Variants in FOXN1 observed in about 807,000 individuals in gnomAD.
FOXN1 encodes forkhead box protein N1.
Under a neutral mutation model 49.0 loss-of-function variants are expected in FOXN1, and 15 were observed. The observed-to-expected ratio is 0.31, with a 90% CI of 0.20 to 0.47. FOXN1 has a LOEUF of 0.47. FOXN1 is among the 20% of genes least tolerant of loss of function. FOXN1 has a pLI of 1.00. For synonymous variants in FOXN1, 356 were observed against 369.0 expected (o/e 0.96, Z 0.40); for missense variants, 800 against 842.8 (o/e 0.95, Z 0.63).
chr17:28,522,427 A>T (rs1384853429), intron 1 of FOXN1, among the ~76,000 whole-genome samples: 1 of 152,222 alleles, frequency 6.6e-6, no homozygotes, highest in Non-Finnish European at 1.5e-5. Context: ...CAGGCAGATC[A>T]TCTGAGGTCA....
At chr17:28,520,863 G>A (rs1356261036) in intron 1 of FOXN1, among the ~76,000 whole-genome samples, 1 of 151,820 alleles carries the variant, frequency 6.6e-6, no homozygotes, top group African/African-American at 2.4e-5. Context: ...GGGGTCTGAG[G>A]CCAGGCTGAG....
chr17:28,529,699 G>C (rs2069862050), intron 5 of FOXN1, among the ~76,000 whole-genome samples: 2 of 152,170 alleles, frequency 1.3e-5, no homozygotes, highest in Admixed American at 6.6e-5. Context: ...AGTGTCAGCA[G>C]ACCCAGCCTG....
intron 1 of FOXN1, among the ~76,000 whole-genome samples, chr17:28,517,914 G>T (rs996237036): frequency 2.1e-5 from 3 of 142,234 alleles, no homozygotes; most frequent in African/African-American, 8.2e-5. Flanking sequence ...CCTCCACAGG[G>T]TACACACCTC....
Position 28,538,095 on chromosome 17 carries a change from C to G in FOXN1, c.*659C>G, listed in dbSNP as rs1597572815. 1 of 156,410 alleles carries G rather than the reference C, an allele frequency of 6.4e-6. No individual in the cohort carries two copies. Among genetic ancestry groups the G allele is most frequent in the South Asian group, 1.9e-4 (1 of 5,188 alleles). The allele number at this position is 156,410 out of a possible 1,614,324, so 9.7% of individuals were successfully genotyped here. On this transcript the variant is annotated 3_prime_UTR_variant, in exon 9 of 9. Coordinates refer to ENST00000579795, the MANE Select transcript of FOXN1 (RefSeq NM_001369369.1). ...AATTGGCAGCACCCACTCAGCCATTCTCTACCCATCCTTAGTACATGCTCT... is the reference window on the plus strand; with the variant it reads ...AATTGGCAGCACCCACTCAGCCATTGTCTACCCATCCTTAGTACATGCTCT...
chr17:28,537,384 C>T lies in FOXN1; in HGVS notation c.1895C>T (p.Ala632Val), dbSNP rs199910445. 204 of 1,612,966 alleles carry T rather than the reference C, an allele frequency of 1.3e-4. No individual in the cohort carries two copies. Among genetic ancestry groups the T allele is most frequent in the Non-Finnish European group, 1.6e-4 (192 of 1,179,608 alleles). Reference protein sequence around the residue: ...ELEPTPPTAPAGPSVYLSPSS... With the variant: ...ELEPTPPTAPVGPSVYLSPSS... Reference sequence around the variant, plus strand: ...GAGCCCACGCCCCCCACGGCCCCTGCAGGCCCCTCTGTGTACCTCAGCCCC... The same window carrying T: ...GAGCCCACGCCCCCCACGGCCCCTGTAGGCCCCTCTGTGTACCTCAGCCCC... Residue 632 changes from alanine (A) to valine (V), a missense_variant, in exon 9 of 9, where the codon GCA (alanine) becomes GTA (valine). This residue lies in a region of FOXN1 where 344 missense variants were observed against 366.1 expected (regional missense o/e 0.94). Transcript: ENST00000579795.
chr17:28,515,848 G>A (rs779360168), intron 1 of FOXN1, among the ~76,000 whole-genome samples: 27 of 151,022 alleles, frequency 1.8e-4, no homozygotes, highest in Admixed American at 7.2e-4. Flanking sequence ...CTTCACAGGC[G>A]TACACACCTC....
At chr17:28,532,856 A>C (rs984703976) in intron 6 of FOXN1, among the ~76,000 whole-genome samples, 1 of 152,198 alleles carries the variant, frequency 6.6e-6, no homozygotes, top group African/African-American at 2.4e-5. Flanking sequence ...TCCCAAAGTC[A>C]CAGATTCATG....
At chr17:28,529,816 T>G (rs889614337) in intron 5 of FOXN1, among the ~76,000 whole-genome samples, 1 of 152,056 alleles carries the variant, frequency 6.6e-6, no homozygotes, top group African/African-American at 2.4e-5. Context: ...TAGTGTGAGC[T>G]GAGGGGAAGG....
At chr17:28,533,865 G>A (rs2069980676) in intron 6 of FOXN1, among the ~76,000 whole-genome samples, 1 of 152,154 alleles carries the variant, frequency 6.6e-6, no homozygotes, top group African/African-American at 2.4e-5. Context: ...GGCAGACCCA[G>A]GAGAGGAGCA....
intron 1 of FOXN1, among the ~76,000 whole-genome samples, chr17:28,522,292 G>A (rs2069656667): frequency 6.6e-6 from 1 of 152,218 alleles, no homozygotes; most frequent in Non-Finnish European, 1.5e-5. Context: ...CTTGGGCAAA[G>A]AGAAGTACAT....
intron 1 of FOXN1, among the ~76,000 whole-genome samples, chr17:28,521,784 C>A (rs1481550602): frequency 6.6e-6 from 1 of 152,240 alleles, no homozygotes; most frequent in Admixed American, 6.5e-5. Flanking sequence ...CCTCATTTTC[C>A]CTGTTACCCT....
At position 28,534,652 on chromosome 17, in the gene FOXN1, G is replaced by C. The variant is rs2070007185; in HGVS notation, c.1136-55G>C. 2 of 1,611,542 alleles carry C rather than the reference G, an allele frequency of 1.2e-6. No individual in the cohort carries two copies. The highest frequency in any genetic ancestry group is 2.7e-5 in the African/African-American group (2 of 74,888). On this transcript the variant is annotated intron_variant, in intron 7 of 8. Transcript: ENST00000579795. This position sits in a 1 kb window ranked among gnomAD's most constrained non-coding sequence, Gnocchi z 4.1. The stretch of plus-strand genomic sequence containing the variant: ...CCCCGAGTAAGGGTTCCAGTCTGGG[G>C]AAGACTGTGGAGGAGGGAGGTCTCA...
intron 1 of FOXN1, among the ~76,000 whole-genome samples, chr17:28,518,448 A>T (rs75328700): frequency 0.013 from 1,982 of 152,250 alleles, 45 homozygotes; most frequent in African/African-American, 0.044. Flanking sequence ...AGGTGGGGAG[A>T]TGTTGATGGG....
At chr17:28,529,768 A>G (rs1374316031) in intron 5 of FOXN1, among the ~76,000 whole-genome samples, 1 of 152,114 alleles carries the variant, frequency 6.6e-6, no homozygotes, top group East Asian at 1.9e-4. Flanking sequence ...CACTTGGCCA[A>G]ATATGTGTCA....
At chr17:28,520,539 C>T (rs901509117) in intron 1 of FOXN1, among the ~76,000 whole-genome samples, 4 of 152,148 alleles carry the variant, frequency 2.6e-5, no homozygotes, top group Admixed American at 1.3e-4. Flanking sequence ...AGGGGTGGGC[C>T]TCTGAACTCT....
intron 4 of FOXN1, among the ~76,000 whole-genome samples, chr17:28,527,815 C>CT (rs2069808574): frequency 6.6e-6 from 1 of 152,224 alleles, no homozygotes; most frequent in Non-Finnish European, 1.5e-5. Context: ...AAAGGGTGGG[C>CT]ACCCAGTGTG....
rs779985336 is a variant in FOXN1 at position 28,534,378 on chromosome 17, C to T, written c.975C>T (p.Leu325=). 13 of 1,614,046 alleles carry T rather than the reference C, an allele frequency of 8.1e-6. No homozygotes were observed. The South Asian group carries it at 1.2e-4, about 15-fold the overall frequency. ...ATTCTGTCCGGCACAACCTATCCCT[C>T]AACAAGTGCTTCGAGAAGGTGGAGA... ...WKNSVRHNLS[L]NKCFEKVENK... is the part of the protein sequence containing the mutation. Residue 325 remains leucine, a synonymous_variant, in exon 7 of 9, where the codon CTC becomes CTT. Coordinates refer to ENST00000579795, the MANE Select transcript of FOXN1 (RefSeq NM_001369369.1). The surrounding 1 kb of genome is among the most constrained non-coding windows in gnomAD (Gnocchi z 4.1).
chr17:28,529,520 C>T (rs1004120306), intron 5 of FOXN1, among the ~76,000 whole-genome samples: 1 of 152,160 alleles, frequency 6.6e-6, no homozygotes, highest in Non-Finnish European at 1.5e-5. Context: ...GGGCCTGGAT[C>T]TGAGAATTTA....
rs1490450206 is a variant in FOXN1, at chr17:28,534,763, G to T, written c.1192G>T (p.Gly398Cys). Reference sequence around the variant, plus strand: ...AGAAAAGCTGGGCTCCCCACTCCTGGGCTGTCCGCCCCCTGGGCTGTCCGG... The same window carrying T: ...AGAAAAGCTGGGCTCCCCACTCCTGTGCTGTCCGCCCCCTGGGCTGTCCGG... The part of the protein sequence containing the change: ...KREKLGSPLL[G>C]CPPPGLSGSG... Residue 398 changes from glycine to cysteine, a missense_variant, in exon 8 of 9, where the codon GGC becomes TGC. Physicochemically the swap from Gly to Cys is radical, Grantham distance 159. This residue lies in a region of FOXN1 where 344 missense variants were observed against 366.1 expected (regional missense o/e 0.94). Transcript: ENST00000579795. The surrounding 1 kb of genome is among the most constrained non-coding windows in gnomAD (Gnocchi z 4.1). 6.2e-7 allele frequency: 1 copy of T among 1,613,624 alleles called. No individual in the cohort carries two copies. Among genetic ancestry groups the T allele is most frequent in the South Asian group, 1.1e-5 (1 of 91,050 alleles).
Sources: gnomAD v4.1 joint callset for allele counts (sites outside exome capture counted in the v4.1 genomes callset) on GRCh38, gnomAD v4.1.1 for gene constraint, gnomAD v4.1.1 regional missense constraint, Gnocchi (gnomAD v3.1) non-coding constraint, MANE v1.5 for transcripts, NCBI Gene and HGNC (gene_info 2026-07-23, HGNC 2026-07-21) for gene names.